Variants in NBEAL1 observed in about 807,000 individuals in gnomAD.
NBEAL1 encodes neurobeachin-like protein 1.
In NBEAL1, 273 loss-of-function variants were observed where a neutral mutation model predicts 351.3. The observed-to-expected ratio is 0.78, with a 90% CI of 0.70 to 0.86. NBEAL1 has a LOEUF of 0.86. Among genes scored for constraint, NBEAL1 ranks in the 40% least tolerant of loss-of-function variants. The pLI is 0.00. For synonymous variants in NBEAL1, 1,050 were observed against 1,086.4 expected, an observed-to-expected ratio of 0.97 and a Z score of 0.66; for missense variants, 2,961 against 3,201.3, an observed-to-expected ratio of 0.92 and a Z score of 1.81.
chr2:203,071,053 T>G (rs931090451), intron 7 of NBEAL1, among the ~76,000 whole-genome samples: 1 of 152,230 alleles, frequency 6.6e-6, no homozygotes. Flanking sequence ...ATATTATCCT[T>G]TTTATGTAAT....
intron 45 of NBEAL1, 111 bp from the exon 46 acceptor site, chr2:203,190,162 ACACACACACACACACACAC>A: frequency 3.0e-4 from 1 of 3,362 alleles, no homozygotes; most frequent in Non-Finnish European, 1.8e-3. Context: ...ATGTGTGTAC[ACACACACACACACACACAC>A]ACACACACAC....
intron 26 of NBEAL1, 52 bp downstream of exon 26, chr2:203,132,184 A>G: frequency 8.1e-7 from 1 of 1,238,126 alleles, no homozygotes; most frequent in Non-Finnish European, 1.1e-6. Flanking sequence ...TTTTTCCTGT[A>G]AGTTTTTTTC....
At chr2:203,132,358 G>T in intron 26 of NBEAL1, among the ~76,000 whole-genome samples, 1 of 152,206 alleles carries the variant, frequency 6.6e-6, no homozygotes, top group East Asian at 1.9e-4. Flanking sequence ...TAATAAGTGA[G>T]TCCACGGAAC....
intron 27 of NBEAL1, 104 bp downstream of exon 27, chr2:203,133,250 T>A: frequency 2.1e-6 from 1 of 470,786 alleles, no homozygotes; most frequent in Non-Finnish European, 3.7e-6. Flanking sequence ...ATTTATTTTA[T>A]AAATGACGTA....
chr2:203,058,775 A>G (rs1010911318), intron 6 of NBEAL1, among the ~76,000 whole-genome samples: 3 of 152,216 alleles, frequency 2.0e-5, no homozygotes, highest in African/African-American at 7.2e-5. Flanking sequence ...GCAGCTGGAA[A>G]AAGAAAGTTT....
chr2:203,121,418 C>T (rs1327681840), intron 18 of NBEAL1, among the ~76,000 whole-genome samples: 2 of 151,922 alleles, frequency 1.3e-5, no homozygotes, highest in East Asian at 1.9e-4. Context: ...TTTGGGAGGC[C>T]GAGGTGGGTG....
chr2:203,066,167 T>C (rs533247072), intron 6 of NBEAL1, among the ~76,000 whole-genome samples: 2 of 152,332 alleles, frequency 1.3e-5, no homozygotes, highest in South Asian at 4.1e-4. Context: ...GAAGTACATT[T>C]TTATTATGTT....
At chr2:203,069,654 A>G (rs1378274611) in intron 7 of NBEAL1, among the ~76,000 whole-genome samples, 1 of 152,106 alleles carries the variant, frequency 6.6e-6, no homozygotes, top group Non-Finnish European at 1.5e-5. Context: ...TAAATGATGT[A>G]TCTTATTCAT....
chr2:203,023,052 G>T (rs986723807), intron 2 of NBEAL1, among the ~76,000 whole-genome samples: 22 of 152,136 alleles, frequency 1.4e-4, no homozygotes, highest in African/African-American at 5.1e-4. Context: ...ATTTAGAGGT[G>T]TTTTATTCAG....
In NBEAL1 at chr2:203,110,163, A is replaced by C. The variant is rs1341796516; in HGVS notation, c.1963A>C (p.Ser655Arg). 1 of 1,545,444 alleles carries C rather than the reference A, an allele frequency of 6.5e-7. No individual in the cohort carries two copies. The highest frequency in any genetic ancestry group is 1.4e-5 in the African/African-American group (1 of 72,836). ...TATTTTTTTTAGTTTTTTTACAGGA[A>C]GTGGCATGGGTTTTGAAGCCTTTAT... ...RKQLYSFFTG[S>R]GMGFEAFITH... The change falls in exon 15 of 56, where the codon AGT (serine) becomes CGT (arginine). Residue 655 changes from serine (S) to arginine (R), a missense_variant. By Grantham distance (110) the Ser-to-Arg change is moderately radical. Coordinates refer to ENST00000683969, the MANE Select transcript of NBEAL1 (RefSeq NM_001378026.1).
At position 203,157,791 on chromosome 2, in the gene NBEAL1, C is replaced by A; in HGVS notation, c.5680C>A (p.Leu1894Ile). ...VSDMVEDKLD[L>I]PEEDITARVN... Reference sequence around the variant, plus strand: ...TGATATGGTGGAGGATAAATTAGACCTTCCTGAAGAGGATATAACAGCTAG... The same window carrying A: ...TGATATGGTGGAGGATAAATTAGACATTCCTGAAGAGGATATAACAGCTAG... The change falls in exon 36 of 56, where the codon CTT (leucine) becomes ATT (isoleucine). Residue 1894 changes from leucine (L) to isoleucine (I), a missense_variant. Leu to Ile is a conservative substitution (Grantham distance 5). Coordinates refer to ENST00000683969, the MANE Select transcript of NBEAL1 (RefSeq NM_001378026.1). The A allele has an allele frequency of 6.3e-7, 1 of 1,587,408 alleles. No homozygotes were observed. Among genetic ancestry groups the A allele is most frequent in the Admixed American group, 1.8e-5 (1 of 56,422 alleles).
At chr2:203,142,566 G>A (rs1034188099) in intron 31 of NBEAL1, among the ~76,000 whole-genome samples, 2 of 152,106 alleles carry the variant, frequency 1.3e-5, no homozygotes, top group Non-Finnish European at 2.9e-5. Context: ...CAAAATTAAA[G>A]CAGTAGTCAA....
chr2:203,082,088 AAAAATAAAAAAC>A (rs2061884306), intron 8 of NBEAL1, among the ~76,000 whole-genome samples: 1 of 152,218 alleles, frequency 6.6e-6, no homozygotes, highest in Non-Finnish European at 1.5e-5. Context: ...CCTTGTCTGA[AAAAATAAAAAAC>A]AAAATAAAGA....
At chr2:203,035,019 A>G (rs1193906074) in intron 2 of NBEAL1, among the ~76,000 whole-genome samples, 1 of 149,384 alleles carries the variant, frequency 6.7e-6, no homozygotes, top group Non-Finnish European at 1.5e-5. Flanking sequence ...TGAGTACTGT[A>G]ATCCAAATAT....
chr2:203,202,827 C>A, intron 51 of NBEAL1, 46 bp downstream of exon 51: 3 of 1,040,444 alleles, frequency 2.9e-6, no homozygotes, highest in South Asian at 1.3e-5. Flanking sequence ...GAGATTCACC[C>A]TGAGAATACT....
Position 203,099,823 on chromosome 2 carries a change from G to A in NBEAL1, c.1269+111G>A, listed in dbSNP as rs2062273229. On this transcript the variant is annotated intron_variant, in intron 12 of 55. Transcript: ENST00000683969. Reference sequence around the variant, plus strand: ...AAATTGGATATCATGGGGATTTGGTGTACAGATTATTTTGCCACCCAGGTA... The same window carrying A: ...AAATTGGATATCATGGGGATTTGGTATACAGATTATTTTGCCACCCAGGTA... 9 of 691,090 alleles carry A rather than the reference G, an allele frequency of 1.3e-5. No homozygotes were observed. In the East Asian group the frequency reaches 1.7e-4, roughly 13 times the overall value. 42.8% of individuals were successfully genotyped at this position (691,090 alleles called of 1,614,324 possible). A position where few individuals can be genotyped will look rare whatever the true frequency, so the allele number is the denominator to read the frequency against.
In NBEAL1 at chr2:203,014,907, G is replaced by C. The variant is rs554379057; in HGVS notation, c.-305G>C. On this transcript the variant is annotated 5_prime_UTR_variant, in exon 1 of 56. Coordinates refer to ENST00000683969, the MANE Select transcript of NBEAL1 (RefSeq NM_001378026.1). Reference sequence around the variant, plus strand: ...CGTCTGCCTGGCTGCGGGGTGACACGGGGCTTCGCCTTGGGAAGGGGTCGA... The same window carrying C: ...CGTCTGCCTGGCTGCGGGGTGACACCGGGCTTCGCCTTGGGAAGGGGTCGA... The C allele has an allele frequency of 1.4e-4, 21 of 152,508 alleles. No individual in the cohort carries two copies. The highest frequency in any genetic ancestry group is 6.5e-4 in the Admixed American group (10 of 15,314). The allele number at this position is 152,508 out of a possible 1,614,324, so 9.4% of individuals were successfully genotyped here. A position where few individuals can be genotyped will look rare whatever the true frequency, so the allele number is the denominator to read the frequency against.
intron 51 of NBEAL1, among the ~76,000 whole-genome samples, chr2:203,206,237 C>A (rs555604607): frequency 3.4e-4 from 52 of 152,290 alleles, no homozygotes; most frequent in Admixed American, 2.7e-3. Context: ...AAAACCAGTA[C>A]CATTACATAC....
intron 43 of NBEAL1, chr2:203,181,929 G>A (rs2064729969): frequency 6.6e-6 from 1 of 152,162 alleles, no homozygotes. Flanking sequence ...GAATTTATAA[G>A]GTACTCTTTA....
Sources: gnomAD v4.1 joint callset for allele counts (sites outside exome capture counted in the v4.1 genomes callset) on GRCh38, gnomAD v4.1.1 for gene constraint, MANE v1.5 for transcripts, NCBI Gene and HGNC (gene_info 2026-07-23, HGNC 2026-07-21) for gene names.